The following ANO2 variants were observed in gnomAD, a reference collection of about 807,000 sequenced individuals.
ANO2 encodes the protein anoctamin 2.
Under a neutral mutation model 124.2 loss-of-function variants are expected in ANO2, and 101 were observed. The ratio of observed to expected loss-of-function variants is 0.81; its 90% CI spans 0.69 to 0.96. The LOEUF (loss-of-function observed/expected upper bound fraction) is 0.96. Ranked by LOEUF, ANO2 falls within the 40% of genes least tolerant of loss-of-function variation. The pLI is 0.00. For missense variants in ANO2, 1,293 were observed against 1,274.5 expected (o/e 1.01, Z -0.22); for synonymous variants, 486 against 482.5 (o/e 1.01, Z -0.09).
chr12:5,693,212 C>G (rs143348888), intron 14 of ANO2, among the ~76,000 whole-genome samples: 12 of 152,234 alleles, frequency 7.9e-5, no homozygotes, highest in Non-Finnish European at 1.3e-4. Context: ...GAATGTTGCA[C>G]GTTTCTACAT....
chr12:5,571,655 A>G (rs1328268613), intron 23 of ANO2, among the ~76,000 whole-genome samples: 1 of 152,056 alleles, frequency 6.6e-6, no homozygotes, highest in African/African-American at 2.4e-5. Context: ...TTCTCAAAAT[A>G]CTTCTCTATC....
intron 3 of ANO2, among the ~76,000 whole-genome samples, chr12:5,858,993 A>G (rs1955187910): frequency 6.6e-6 from 1 of 152,258 alleles, no homozygotes; most frequent in Non-Finnish European, 1.5e-5. Context: ...TTCAAAATAC[A>G]GTGCATCTCC....
chr12:5,703,476 A>G (rs1949485000), intron 14 of ANO2, among the ~76,000 whole-genome samples: 1 of 152,232 alleles, frequency 6.6e-6, no homozygotes, highest in South Asian at 2.1e-4. Flanking sequence ...TGAAGCTAAT[A>G]GGATAAAATG....
intron 20 of ANO2, among the ~76,000 whole-genome samples, chr12:5,583,498 A>G (rs1942882042): frequency 6.6e-6 from 1 of 151,442 alleles, no homozygotes; most frequent in Non-Finnish European, 1.5e-5. Context: ...CTAAAAATAC[A>G]AAAAATTAGC....
At chr12:5,875,636 G>A (rs1008138396) in intron 3 of ANO2, among the ~76,000 whole-genome samples, 2 of 152,160 alleles carry the variant, frequency 1.3e-5, no homozygotes, top group Admixed American at 6.5e-5. Context: ...ATGCTGCACC[G>A]GTGACGGTCA....
At chr12:5,669,889 A>G (rs1947907522) in intron 14 of ANO2, among the ~76,000 whole-genome samples, 1 of 152,244 alleles carries the variant, frequency 6.6e-6, no homozygotes, top group African/African-American at 2.4e-5. Flanking sequence ...AGAAGAAAGT[A>G]ACTCACTAAG....
chr12:5,667,683 G>C (rs1289499928), intron 14 of ANO2, among the ~76,000 whole-genome samples: 2 of 152,050 alleles, frequency 1.3e-5, no homozygotes, highest in Non-Finnish European at 2.9e-5. Context: ...TAGATATTTT[G>C]CCTAATGCTC....
At chr12:5,627,586 A>G (rs1428868865) in intron 16 of ANO2, among the ~76,000 whole-genome samples, 1 of 152,210 alleles carries the variant, frequency 6.6e-6, no homozygotes. Flanking sequence ...CCATGCTCCA[A>G]AAACAAACAC....
At chr12:5,912,017 T>A (rs965965264) in intron 3 of ANO2, among the ~76,000 whole-genome samples, 8 of 152,204 alleles carry the variant, frequency 5.3e-5, no homozygotes, top group African/African-American at 1.9e-4. Context: ...AGCCATAGCA[T>A]CTGGTACTGC....
chr12:5,682,549 C>T (rs1272107938), intron 14 of ANO2, among the ~76,000 whole-genome samples: 1 of 152,164 alleles, frequency 6.6e-6, no homozygotes. Flanking sequence ...AGAGCTCCTG[C>T]AGTTCATGCT....
chr12:5,822,109 G>C (rs1401360681), intron 7 of ANO2, among the ~76,000 whole-genome samples: 2 of 152,188 alleles, frequency 1.3e-5, no homozygotes, highest in Non-Finnish European at 2.9e-5. Flanking sequence ...CAGCAGTGAA[G>C]GGAAATCTTC....
rs958477044 is a variant in ANO2 at position 5,635,450 on chromosome 12, T to C, written c.1621-103A>G. ...ATTTGCTGTTATCAGATATTATTAA[T>C]CTGGAATCTTTTGTTGGGTAACAAG... is the stretch of plus-strand genomic sequence containing the variant. On this transcript the variant is annotated intron_variant, in intron 15 of 24. Coordinates refer to ENST00000682330, the MANE Select transcript of ANO2 (RefSeq NM_001364791.2). This position sits in a 1 kb window ranked among gnomAD's most constrained non-coding sequence, Gnocchi z 5.2. 1 of 936,528 alleles carries C rather than the reference T, an allele frequency of 1.1e-6. No individual in the cohort carries two copies. Among genetic ancestry groups the C allele is most frequent in the Non-Finnish European group, 1.4e-6 (1 of 691,440 alleles). The allele number at this position is 936,528 out of a possible 1,614,324, so 58.0% of individuals were successfully genotyped here. A position where few individuals can be genotyped will look rare whatever the true frequency, so the allele number is the denominator to read the frequency against.
At chr12:5,843,426 T>C (rs1954584933) in intron 4 of ANO2, among the ~76,000 whole-genome samples, 1 of 152,052 alleles carries the variant, frequency 6.6e-6, no homozygotes, top group South Asian at 2.1e-4. Context: ...GGCGCACACC[T>C]ATAATCCCAG....
At chr12:5,770,903 C>T (rs1490714022) in intron 10 of ANO2, among the ~76,000 whole-genome samples, 3 of 152,210 alleles carry the variant, frequency 2.0e-5, no homozygotes, top group Non-Finnish European at 4.4e-5. Flanking sequence ...GTGCCCTCTT[C>T]TCATGCTCAC....
At chr12:5,662,056 G>A (rs1947471732) in intron 14 of ANO2, among the ~76,000 whole-genome samples, 1 of 152,224 alleles carries the variant, frequency 6.6e-6, no homozygotes. Context: ...TGATTACAGG[G>A]CTGGGGCAGA....
At chr12:5,694,179 A>T (rs1370355930) in intron 14 of ANO2, among the ~76,000 whole-genome samples, 1 of 150,886 alleles carries the variant, frequency 6.6e-6, no homozygotes, top group Non-Finnish European at 1.5e-5. Flanking sequence ...AATGTGCACC[A>T]CCAACCTGCG....
In ANO2 at chr12:5,758,738, A is replaced by G. The variant is rs141370645; in HGVS notation, c.1056-7768T>C. 2.5e-3 allele frequency among the ~76,000 whole-genome samples: 387 copies of G among 152,332 alleles called. 1 individual carries two copies. The highest frequency in any genetic ancestry group is 9.0e-3 in the African/African-American group (375 of 41,572). ...CAACTAGATTGACTCAACTCTCCTC[A>G]CTACTGACCTGATGGAATGGAAGAG... On this transcript the variant is annotated intron_variant, in intron 10 of 24. Transcript: ENST00000682330.
At chr12:5,827,891 C>T in intron 6 of ANO2, 71 bp from the exon 7 acceptor site, 1 of 1,532,078 alleles carries the variant, frequency 6.5e-7, no homozygotes. Context: ...TCACCCTCAC[C>T]ACTGCCTGGC....
At chr12:5,677,016 T>C (rs1948276629) in intron 14 of ANO2, among the ~76,000 whole-genome samples, 1 of 151,760 alleles carries the variant, frequency 6.6e-6, no homozygotes. Flanking sequence ...ATCATATCAC[T>C]ACACTCCAGC....
Sources: gnomAD v4.1 joint callset for allele counts (sites outside exome capture counted in the v4.1 genomes callset) on GRCh38, gnomAD v4.1.1 for gene constraint, Gnocchi (gnomAD v3.1) non-coding constraint, MANE v1.5 for transcripts, NCBI Gene and HGNC (gene_info 2026-07-23, HGNC 2026-07-21) for gene names.